Variants in UNC93A observed in about 807,000 individuals in gnomAD.
The protein encoded by UNC93A is N-acetylglucosamine transporter UNC93A.
In UNC93A, 43 loss-of-function variants were observed where a neutral mutation model predicts 47.5. That is an observed-to-expected ratio of 0.91 (90% CI 0.71 to 1.17). UNC93A has a LOEUF of 1.17. UNC93A is among the 50% of genes most tolerant of loss of function. The pLI is 0.00. For synonymous variants in UNC93A, 280 were observed against 258.0 expected (o/e 1.09, Z -0.82); for missense variants, 605 against 577.6 (o/e 1.05, Z -0.49).
chr6:167,315,297 G>C lies in UNC93A; in HGVS notation c.1219G>C (p.Val407Leu). Residue 407 changes from valine to leucine, a missense_variant, in exon 8 of 8, where the codon GTG (valine) becomes CTG (leucine). Physicochemically the swap from Val to Leu is conservative, Grantham distance 32. Coordinates refer to ENST00000230256, the MANE Select transcript of UNC93A (RefSeq NM_018974.4). Reference protein sequence around the residue: ...IAFGYSMFLCVHVKLYILLGV... With the variant: ...IAFGYSMFLCLHVKLYILLGV... ...CTTCGGGTACAGCATGTTTTTGTGC[G>C]TGCACGTCAAGCTCTACATTCTGCT... is the stretch of plus-strand genomic sequence containing the variant. The C allele has an allele frequency of 1.2e-6, 2 of 1,613,714 alleles. No individual in the cohort carries two copies. Among genetic ancestry groups the C allele is most frequent in the South Asian group, 2.2e-5 (2 of 91,014 alleles).
chr6:167,275,593 G>T (rs1305153278), intron 1 of UNC93A, among the ~76,000 whole-genome samples: 1 of 152,202 alleles, frequency 6.6e-6, no homozygotes, highest in African/African-American at 2.4e-5. Context: ...TGTGTTCATT[G>T]GCAGCATCCT....
At chr6:167,276,490 C>T (rs1169878156) in intron 1 of UNC93A, among the ~76,000 whole-genome samples, 1 of 152,092 alleles carries the variant, frequency 6.6e-6, no homozygotes, top group Admixed American at 6.5e-5. Flanking sequence ...ATTTCTAAAC[C>T]TTGTACAATA....
At chr6:167,298,202 T>C in intron 4 of UNC93A, 132 bp downstream of exon 4, 5 of 1,375,460 alleles carry the variant, frequency 3.6e-6, no homozygotes, top group Non-Finnish European at 4.8e-6. Context: ...GCAAAATGTA[T>C]TGGTCTGGAT....
intron 1 of UNC93A, among the ~76,000 whole-genome samples, chr6:167,277,595 C>T (rs958813512): frequency 3.3e-5 from 5 of 151,826 alleles, no homozygotes; most frequent in East Asian, 1.9e-4. Context: ...CTGTCTCCAC[C>T]GTTCTCTGGC....
chr6:167,300,689 A>G (rs904496508), intron 4 of UNC93A, among the ~76,000 whole-genome samples: 2 of 152,142 alleles, frequency 1.3e-5, no homozygotes, highest in Non-Finnish European at 2.9e-5. Flanking sequence ...CAAGGTTCCC[A>G]TCAACATGGT....
upstream of UNC93A, among the ~76,000 whole-genome samples, chr6:167,290,433 G>T (rs1000710493): frequency 6.6e-6 from 1 of 152,132 alleles, no homozygotes; most frequent in Non-Finnish European, 1.5e-5. Flanking sequence ...ATCTAATCTA[G>T]ACAGAAATGG....
chr6:167,276,370 G>A (rs1290926095), intron 1 of UNC93A, among the ~76,000 whole-genome samples: 1 of 152,158 alleles, frequency 6.6e-6, no homozygotes, highest in East Asian at 1.9e-4. Flanking sequence ...ACACCCAGGA[G>A]TGGGTTAGCT....
rs767922386 is a variant in UNC93A, at chr6:167,296,094, A to G, written c.332A>G (p.Gln111Arg). 1 of 1,614,216 alleles carries G rather than the reference A, an allele frequency of 6.2e-7. No individual in the cohort carries two copies. The highest frequency in any genetic ancestry group is 8.5e-7 in the Non-Finnish European group (1 of 1,180,036). Residue 111 changes from glutamine to arginine, a missense_variant, in exon 3 of 8, where the codon CAG (glutamine) becomes CGG (arginine). Coordinates refer to ENST00000230256, the MANE Select transcript of UNC93A (RefSeq NM_018974.4). Reference sequence around the variant, plus strand: ...GGGGCCGCCCCGCTGTGGTCTGCACAGTGCACATACCTCACGATCACGGGA... The same window carrying G: ...GGGGCCGCCCCGCTGTGGTCTGCACGGTGCACATACCTCACGATCACGGGA... ...GLGAAPLWSA[Q>R]CTYLTITGNT...
chr6:167,269,124 G>A (rs1184684717), upstream of UNC93A, among the ~76,000 whole-genome samples: 2 of 152,248 alleles, frequency 1.3e-5, no homozygotes, highest in African/African-American at 4.8e-5. Flanking sequence ...GCGAGGCTGA[G>A]AGGTGAGCAG....
rs1778313641 is a variant in UNC93A at position 167,304,044 on chromosome 6, C to G, written c.751C>G (p.Leu251Val). ...FWSTLLSTFK[L>V]YRDKRLCLLI... ...GTCCACTTTACTGTCGACTTTCAAG[C>G]TATATAGAGATAAACGTCTGTGCCT... Residue 251 changes from leucine (L) to valine (V), a missense_variant, in exon 5 of 8, where the codon CTA (leucine) becomes GTA (valine). Leu to Val is a conservative substitution (Grantham distance 32, BLOSUM62 1). Coordinates refer to ENST00000230256, the MANE Select transcript of UNC93A (RefSeq NM_018974.4). 2 of 1,613,988 alleles carry G rather than the reference C, an allele frequency of 1.2e-6. No homozygotes were observed. The highest frequency in any genetic ancestry group is 1.7e-6 in the Non-Finnish European group (2 of 1,180,002).
upstream of UNC93A, among the ~76,000 whole-genome samples, chr6:167,290,712 A>G (rs1421409081): frequency 2.0e-5 from 3 of 152,314 alleles, no homozygotes; most frequent in African/African-American, 7.2e-5. Context: ...AGTGGCTACC[A>G]TACTGGACAA....
At chr6:167,306,413 C>T (rs747009773) in intron 6 of UNC93A, among the ~76,000 whole-genome samples, 9 of 152,170 alleles carry the variant, frequency 5.9e-5, no homozygotes, top group Admixed American at 2.6e-4. Context: ...CGGAAAGACA[C>T]GCTGGGGTTG....
At chr6:167,287,580 C>T (rs1210194641), upstream of UNC93A, among the ~76,000 whole-genome samples, 2 of 152,108 alleles carry the variant, frequency 1.3e-5, no homozygotes, top group Non-Finnish European at 2.9e-5. Flanking sequence ...CCAGGGTAGA[C>T]GCTCAATAAA....
At position 167,293,946 on chromosome 6, in the gene UNC93A, C is replaced by T. The variant is rs1035290641; in HGVS notation, c.88-571C>T. On this transcript the variant is annotated intron_variant, in intron 1 of 7. Transcript: ENST00000230256. ...GTGTGCCTGCCCGGGTTGTCTCCAC[C>T]AGTGGTGGCGGCCTGCAGTTTCCAG... Among the ~76,000 whole-genome samples, 7 of 152,194 alleles carry T rather than the reference C, an allele frequency of 4.6e-5. No individual in the cohort carries two copies. In the East Asian group the frequency reaches 1.3e-3, roughly 29 times the overall value.
chr6:167,299,137 C>T (rs1330262309), intron 4 of UNC93A, among the ~76,000 whole-genome samples: 3 of 88,208 alleles, frequency 3.4e-5, no homozygotes, highest in East Asian at 3.2e-4. Flanking sequence ...AAAATACACA[C>T]ACACACACAC....
At chr6:167,286,148 G>T (rs563423300) in intron 1 of UNC93A, among the ~76,000 whole-genome samples, 1 of 150,820 alleles carries the variant, frequency 6.6e-6, no homozygotes, top group Non-Finnish European at 1.5e-5. Flanking sequence ...TGCATTTTTA[G>T]TCAAAACTTA....
chr6:167,299,117 C>CAAA (rs35271042), intron 4 of UNC93A, among the ~76,000 whole-genome samples: 21 of 90,554 alleles, frequency 2.3e-4, no homozygotes, highest in South Asian at 8.9e-4. Flanking sequence ...GACTCCATCT[C>CAAA]AAAAAAAAAA....
At position 167,304,098 on chromosome 6, in the gene UNC93A, T is replaced by C. The variant is rs1288088923; in HGVS notation, c.805T>C (p.Leu269=). The C allele has an allele frequency of 2.5e-6, 4 of 1,614,034 alleles. No homozygotes were observed. Among genetic ancestry groups the C allele is most frequent in the East Asian group, 2.2e-5 (1 of 44,896 alleles). The change falls in exon 5 of 8, where the codon TTG becomes CTG. Residue 269 remains leucine, a synonymous_variant. Transcript: ENST00000230256. ...LLILLPLYSG[L]QQGFLSSEYT... ...AATTCTGCTGCCGCTGTACAGTGGA[T>C]TGCAGCAAGGATTCCTCTCCAGCGA...
chr6:167,283,036 C>A (rs1466892764), intron 1 of UNC93A, among the ~76,000 whole-genome samples: 5 of 152,106 alleles, frequency 3.3e-5, no homozygotes, highest in East Asian at 1.9e-4. Flanking sequence ...CCCTTAGAGA[C>A]AACAGATGGC....
Sources: allele counts gnomAD v4.1 joint callset (sites outside exome capture counted in the v4.1 genomes callset), GRCh38; gene constraint gnomAD v4.1.1; transcripts MANE v1.5; gene names NCBI Gene and HGNC (gene_info 2026-07-23, HGNC 2026-07-21).